The following TMIE variants were observed in gnomAD, a reference collection of about 807,000 sequenced individuals.
TMIE encodes transmembrane inner ear expressed protein.
Under a neutral mutation model 16.8 loss-of-function variants are expected in TMIE, and 14 were observed. That is an observed-to-expected ratio of 0.83 (90% CI 0.55 to 1.30). The LOEUF (loss-of-function observed/expected upper bound fraction) is 1.30, where lower values mean the gene tolerates loss of function less well. Among genes scored for constraint, TMIE ranks in the 50% most tolerant of loss-of-function variants. TMIE has a pLI of 0.00. For missense variants in TMIE, 204 were observed against 205.9 expected, an observed-to-expected ratio of 0.99 and a Z score of 0.06; for synonymous variants, 75 against 87.2, an observed-to-expected ratio of 0.86 and a Z score of 0.78.
At chr3:46,709,323 T>G in intron 3 of TMIE, 48 bp downstream of exon 3, 1 of 1,613,130 alleles carries the variant, frequency 6.2e-7, no homozygotes. Flanking sequence ...AGTTCCTCAG[T>G]CCTGCTGCCT....
rs1036698998 is a variant in TMIE, at chr3:46,709,713, G to A, written c.*25G>A. ...AAGACATCCTGGGCAGCTTGGGCTG[G>A]CGGGCCCTGGAGCTCAAGCCGTGGC... On this transcript the variant is annotated 3_prime_UTR_variant, in exon 4 of 4. Coordinates refer to ENST00000643606, the MANE Select transcript of TMIE (RefSeq NM_147196.3). 1 of 1,613,612 alleles carries A rather than the reference G, an allele frequency of 6.2e-7. No homozygotes were observed. Among genetic ancestry groups the A allele is most frequent in the African/African-American group, 1.3e-5 (1 of 75,056 alleles).
At chr3:46,706,901 GC>G (rs1417757540) in intron 2 of TMIE, among the ~76,000 whole-genome samples, 1 of 152,216 alleles carries the variant, frequency 6.6e-6, no homozygotes, top group Non-Finnish European at 1.5e-5. Flanking sequence ...GGGATGAGGT[GC>G]CCCAGAGAGC....
rs1700479906 is a variant in TMIE, at chr3:46,701,679, C to T, written c.93+99C>T. The T allele has an allele frequency of 1.0e-6, 1 of 987,460 alleles. No individual in the cohort carries two copies. 61.2% of individuals were successfully genotyped at this position (987,460 alleles called of 1,614,324 possible). ...TTTTGATCCGGAGCTTGTTTGATCCCTTACTCTTGCCCTGAGAGATCCAGT... is the reference window on the plus strand; with the variant it reads ...TTTTGATCCGGAGCTTGTTTGATCCTTTACTCTTGCCCTGAGAGATCCAGT... On this transcript the variant is annotated intron_variant, in intron 1 of 3. Transcript: ENST00000643606. This position sits in a 1 kb window ranked among gnomAD's most constrained non-coding sequence, Gnocchi z 4.3.
chr3:46,697,248 G>A (rs563570652), upstream of TMIE, among the ~76,000 whole-genome samples: 23 of 152,304 alleles, frequency 1.5e-4, no homozygotes, highest in Admixed American at 2.6e-4. Flanking sequence ...CCCAGGAAAC[G>A]GAATCTCTCT....
At chr3:46,703,006 G>A (rs1192839939) in intron 1 of TMIE, among the ~76,000 whole-genome samples, 1 of 152,184 alleles carries the variant, frequency 6.6e-6, no homozygotes, top group East Asian at 1.9e-4. Flanking sequence ...CTCACCCCCA[G>A]GAACTCATCT....
Position 46,709,682 on chromosome 3 carries a change from G to T in TMIE, c.465G>T (p.Glu155Asp), listed in dbSNP as rs941011120. 4 of 1,608,810 alleles carry T rather than the reference G, an allele frequency of 2.5e-6. No individual in the cohort carries two copies. The highest frequency in any genetic ancestry group is 3.4e-6 in the Non-Finnish European group (4 of 1,175,882). The change falls in exon 4 of 4, where the codon GAG (glutamate) becomes GAT (aspartate). Residue 155 changes from glutamate (E) to aspartate (D), a missense_variant. Transcript: ENST00000643606. ...ATGAGGCCAAGAAGAAGAAAGGAGA[G>T]AAATGAAGACATCCTGGGCAGCTTG... is the stretch of plus-strand genomic sequence containing the variant. ...EKNEAKKKKG[E>D]K
intron 3 of TMIE, 38 bp downstream of exon 3, chr3:46,709,313 AG>A (rs769000677): frequency 6.2e-7 from 1 of 1,613,496 alleles, no homozygotes; most frequent in African/African-American, 1.3e-5. Flanking sequence ...TGCGCCAGCC[AG>A]TTCCTCAGTC....
In TMIE at chr3:46,709,658, T is replaced by G. The variant is rs1049520303; in HGVS notation, c.441T>G (p.Asn147Lys). ...VAIKVEEDEK[N>K]EAKKKKGEK ...TCAAAGTAGAGGAGGATGAGAAGAA[T>G]GAGGCCAAGAAGAAGAAAGGAGAGA... The change falls in exon 4 of 4, where the codon AAT (asparagine) becomes AAG (lysine). Residue 147 changes from asparagine (N) to lysine (K), a missense_variant. By Grantham distance (94) the Asn-to-Lys change is moderately conservative. Coordinates refer to ENST00000643606, the MANE Select transcript of TMIE (RefSeq NM_147196.3). 1 of 1,613,692 alleles carries G rather than the reference T, an allele frequency of 6.2e-7. No homozygotes were observed. The highest frequency in any genetic ancestry group is 1.6e-4 in the Middle Eastern group (1 of 6,062).
chr3:46,702,501 T>C (rs1397939120), intron 1 of TMIE, among the ~76,000 whole-genome samples: 2 of 151,824 alleles, frequency 1.3e-5, no homozygotes, highest in Non-Finnish European at 2.9e-5. Context: ...AGTTCTGAAT[T>C]GTGAGGCCAG....
intron 3 of TMIE, 45 bp from the exon 4 acceptor site, chr3:46,709,534 C>T: frequency 6.2e-7 from 1 of 1,613,942 alleles, no homozygotes; most frequent in Non-Finnish European, 8.5e-7. Flanking sequence ...GACCCCAGGA[C>T]CTTGTCTCAC....
chr3:46,707,266 G>C (rs1215567094), intron 2 of TMIE, among the ~76,000 whole-genome samples: 2 of 152,226 alleles, frequency 1.3e-5, no homozygotes, highest in African/African-American at 4.8e-5. Flanking sequence ...AGAGCACTGT[G>C]GGCCTCAAGA....
intron 1 of TMIE, among the ~76,000 whole-genome samples, chr3:46,702,796 T>G (rs1449944665): frequency 2.6e-5 from 4 of 152,124 alleles, no homozygotes; most frequent in Non-Finnish European, 5.9e-5. Flanking sequence ...CCAGAGGGCA[T>G]GACCACAAGG....
Position 46,701,729 on chromosome 3 carries a change from C to A in TMIE, c.93+149C>A. The A allele has an allele frequency of 1.6e-6, 1 of 628,678 alleles. No homozygotes were observed. Among genetic ancestry groups the A allele is most frequent in the Non-Finnish European group, 2.3e-6 (1 of 435,632 alleles). 38.9% of individuals were successfully genotyped at this position (628,678 alleles called of 1,614,324 possible). On this transcript the variant is annotated intron_variant, in intron 1 of 3. Transcript: ENST00000643606. This position sits in a 1 kb window ranked among gnomAD's most constrained non-coding sequence, Gnocchi z 4.3. ...TCTCCCGGGCGATGCAGCCCTGCCC[C>A]AAGCCCTGCCAGGCTGTGAGAGAGA...
intron 1 of TMIE, among the ~76,000 whole-genome samples, chr3:46,704,697 C>T (rs201524028): frequency 4.5e-4 from 34 of 75,620 alleles, no homozygotes; most frequent in African/African-American, 1.1e-3. Context: ...GGGTGAAGCA[C>T]GTCCACTAGA....
chr3:46,704,562 G>T (rs1424033203), intron 1 of TMIE, among the ~76,000 whole-genome samples: 1 of 135,540 alleles, frequency 7.4e-6, no homozygotes, highest in Non-Finnish European at 1.5e-5. Context: ...GCAGGACCAT[G>T]TCCCCTAGAC....
rs73831199 is a variant in TMIE at position 46,705,499 on chromosome 3, T to C, written c.94-291T>C. 0.016 allele frequency among the ~76,000 whole-genome samples: 2,438 copies of C among 152,302 alleles called. 68 individuals are homozygous for C. Among genetic ancestry groups the C allele is most frequent in the African/African-American group, 0.055 (2,305 of 41,562 alleles). On this transcript the variant is annotated intron_variant, in intron 1 of 3. Coordinates refer to ENST00000643606, the MANE Select transcript of TMIE (RefSeq NM_147196.3). ...GGACTGGAGTAGGAGGGTGTGTTCA[T>C]AGGGGCCTTGAACCTGGCCAGGACA... is the stretch of plus-strand genomic sequence containing the variant.
chr3:46,696,685 G>C (rs1277773017), upstream of TMIE, among the ~76,000 whole-genome samples: 1 of 152,188 alleles, frequency 6.6e-6, no homozygotes, highest in African/African-American at 2.4e-5. Context: ...ACATTCCACA[G>C]GGTCCTCTGG....
chr3:46,701,457 TG>T lies in TMIE; in HGVS notation c.-28del. ...GACCGGCGGCCGGCCCGTTCGTCCCTGGGCTCCGCAAGCGGCGCGGTGGCAC... is the reference window on the plus strand; with the variant it reads ...GACCGGCGGCCGGCCCGTTCGTCCCTGGCTCCGCAAGCGGCGCGGTGGCAC... On this transcript the variant is annotated 5_prime_UTR_variant, in exon 1 of 4. Transcript: ENST00000643606. This position sits in a 1 kb window ranked among gnomAD's most constrained non-coding sequence, Gnocchi z 4.3. 7.2e-7 allele frequency: 1 copy of T among 1,392,432 alleles called. No homozygotes were observed. The highest frequency in any genetic ancestry group is 1.5e-5 in the South Asian group (1 of 64,932). 86.3% of individuals were successfully genotyped at this position (1,392,432 alleles called of 1,614,324 possible). A position where few individuals can be genotyped will look rare whatever the true frequency, so the allele number is the denominator to read the frequency against.
At chr3:46,700,065 G>A (rs1700451483), upstream of TMIE, among the ~76,000 whole-genome samples, 1 of 152,258 alleles carries the variant, frequency 6.6e-6, no homozygotes, top group South Asian at 2.1e-4. Context: ...CCAGCAGCAT[G>A]AGGAAGTGGG....
Sources: allele counts gnomAD v4.1 joint callset (sites outside exome capture counted in the v4.1 genomes callset), GRCh38; gene constraint gnomAD v4.1.1; non-coding constraint Gnocchi (gnomAD v3.1); transcripts MANE v1.5; gene names NCBI Gene and HGNC (gene_info 2026-07-23, HGNC 2026-07-21).